LDLRAD4: variants seen among roughly 807,000 people sequenced by gnomAD.
LDLRAD4 encodes the protein low density lipoprotein receptor class A domain containing 4, also known as low-density lipoprotein receptor class A domain-containing protein 4.
A neutral mutation model predicts 17.0 loss-of-function variants in LDLRAD4; 5 were observed. The observed-to-expected ratio is 0.29, with a 90% CI of 0.15 to 0.62. LDLRAD4 has a LOEUF of 0.62. LDLRAD4 is among the 20% of genes least tolerant of loss of function. LDLRAD4 has a pLI of 0.84. For missense variants in LDLRAD4, 340 were observed against 424.7 expected, an observed-to-expected ratio of 0.80 and a Z score of 1.75; for synonymous variants, 168 against 171.8, an observed-to-expected ratio of 0.98 and a Z score of 0.17.
intron 2 of LDLRAD4, among the ~76,000 whole-genome samples, chr18:13,429,255 T>C (rs1052090760): frequency 8.5e-5 from 13 of 152,164 alleles, no homozygotes; most frequent in Non-Finnish European, 1.5e-4. Context: ...GTTGGTGCAG[T>C]GATGGGCCCC....
In LDLRAD4 at chr18:13,645,726, C is replaced by T. The variant is rs985460174; in HGVS notation, c.*69C>T. On this transcript the variant is annotated 3_prime_UTR_variant, in exon 6 of 6. Transcript: ENST00000359446. This position sits in a 1 kb window ranked among gnomAD's most constrained non-coding sequence, Gnocchi z 5.7. ...GGAAGCGGCCGCTGGGCCCCTCCTG[C>T]GCACAGTGTTGTTCAGTTTCACATG... 48 of 1,263,024 alleles carry T rather than the reference C, an allele frequency of 3.8e-5. No individual in the cohort carries two copies. In the Admixed American group the frequency reaches 6.4e-4, roughly 17 times the overall value. 78.2% of individuals were successfully genotyped at this position (1,263,024 alleles called of 1,614,324 possible). A position where few individuals can be genotyped will look rare whatever the true frequency, so the allele number is the denominator to read the frequency against.
At chr18:13,588,916 T>C (rs892119114) in intron 3 of LDLRAD4, among the ~76,000 whole-genome samples, 4 of 149,712 alleles carry the variant, frequency 2.7e-5, no homozygotes, top group African/African-American at 9.8e-5. Context: ...TTCCTTTTCT[T>C]TTTTTTTTCT....
chr18:13,422,637 G>T (rs2089592744), intron 2 of LDLRAD4, among the ~76,000 whole-genome samples: 1 of 152,098 alleles, frequency 6.6e-6, no homozygotes, highest in Admixed American at 6.5e-5. Context: ...GTTGGAGGCT[G>T]CAGTGAGCCA....
intron 3 of LDLRAD4, among the ~76,000 whole-genome samples, chr18:13,506,109 C>T (rs893756330): frequency 1.3e-5 from 2 of 152,160 alleles, no homozygotes; most frequent in African/African-American, 2.4e-5. Context: ...TCCTCCAGGC[C>T]GTCTTTGTCC....
intron 3 of LDLRAD4, among the ~76,000 whole-genome samples, chr18:13,585,833 A>G (rs1601557041): frequency 6.6e-6 from 1 of 152,206 alleles, no homozygotes; most frequent in Non-Finnish European, 1.5e-5. Context: ...AAGAATATAT[A>G]TATTTCAATA....
At chr18:13,609,027 A>G (rs1171116748) in intron 3 of LDLRAD4, among the ~76,000 whole-genome samples, 4 of 66,828 alleles carry the variant, frequency 6.0e-5, no homozygotes, top group Admixed American at 3.7e-4. Context: ...TGGTGACTGC[A>G]CAAAACTCAT....
At chr18:13,586,286 T>G (rs1377369467) in intron 3 of LDLRAD4, among the ~76,000 whole-genome samples, 2 of 150,836 alleles carry the variant, frequency 1.3e-5, no homozygotes, top group African/African-American at 4.9e-5. Context: ...CAGGCGTCTG[T>G]AATCCCAGCT....
At chr18:13,507,698 A>T (rs2093716539) in intron 3 of LDLRAD4, among the ~76,000 whole-genome samples, 1 of 152,196 alleles carries the variant, frequency 6.6e-6, no homozygotes, top group African/African-American at 2.4e-5. Flanking sequence ...CCATACCCAT[A>T]TAAGACAGTG....
rs1249188372 is a variant in LDLRAD4 at position 13,612,555 on chromosome 18, CCT to C, written c.182-8560_182-8559del. The C allele has an allele frequency of 1.0e-4, 149 of 1,447,914 alleles. No homozygotes were observed. The Middle Eastern group carries it at 2.6e-3, about 26-fold the overall frequency. 89.7% of individuals were successfully genotyped at this position (1,447,914 alleles called of 1,614,324 possible). ...GGCAGACAGAAACACACCCCCCCCC[CCT>C]CCACGCTCACACACTCTCCCACACC... On this transcript the variant is annotated intron_variant, in intron 3 of 5. Transcript: ENST00000359446.
At chr18:13,402,917 A>G (rs2087359726) in intron 2 of LDLRAD4, among the ~76,000 whole-genome samples, 1 of 152,238 alleles carries the variant, frequency 6.6e-6, no homozygotes, top group Non-Finnish European at 1.5e-5. Flanking sequence ...TGGCCTTCAC[A>G]ATCAAAACTT....
intron 1 of LDLRAD4, chr18:13,241,027 T>C (rs1198091265): frequency 6.6e-6 from 1 of 152,100 alleles, no homozygotes; most frequent in Non-Finnish European, 1.5e-5. Flanking sequence ...CCTCCCGGGT[T>C]CAAGCGATTC....
At chr18:13,223,774 C>A (rs546769469) in intron 1 of LDLRAD4, among the ~76,000 whole-genome samples, 1 of 152,210 alleles carries the variant, frequency 6.6e-6, no homozygotes, top group Non-Finnish European at 1.5e-5. Context: ...ATTCACTAAT[C>A]TAATCCTCAC....
chr18:13,234,489 C>T (rs1006565121), intron 1 of LDLRAD4, among the ~76,000 whole-genome samples: 1 of 149,786 alleles, frequency 6.7e-6, no homozygotes, highest in Admixed American at 6.7e-5. Flanking sequence ...GGACTGTGAG[C>T]AGGCACCTGT....
intron 2 of LDLRAD4, among the ~76,000 whole-genome samples, chr18:13,418,359 G>T (rs1440519711): frequency 6.6e-6 from 1 of 152,218 alleles, no homozygotes; most frequent in Non-Finnish European, 1.5e-5. Context: ...CCTTTGATCT[G>T]CCTCGCCCCT....
chr18:13,256,854 G>A (rs1046439774), intron 1 of LDLRAD4, among the ~76,000 whole-genome samples: 4 of 152,244 alleles, frequency 2.6e-5, no homozygotes, highest in African/African-American at 7.2e-5. Context: ...TGTGTGTGCC[G>A]GGGAAGGAAA....
intron 1 of LDLRAD4, among the ~76,000 whole-genome samples, chr18:13,318,528 C>G (rs1268823995): frequency 6.6e-6 from 1 of 152,212 alleles, no homozygotes; most frequent in Non-Finnish European, 1.5e-5. Context: ...TCCCAAAATG[C>G]TGGGATTCAT....
At chr18:13,442,105 G>C (rs1279204831) in intron 3 of LDLRAD4, among the ~76,000 whole-genome samples, 1 of 152,090 alleles carries the variant, frequency 6.6e-6, no homozygotes, top group Non-Finnish European at 1.5e-5. Context: ...ACAATTATTT[G>C]TTATTTACAC....
At chr18:13,370,713 G>GTTTTTTTTTTTGTTT (rs1555663207) in intron 1 of LDLRAD4, among the ~76,000 whole-genome samples, 1 of 17,192 alleles carries the variant, frequency 5.8e-5, no homozygotes, top group Non-Finnish European at 1.6e-4. Flanking sequence ...TTTTTGTTTT[G>GTTTTTTTTTTTGTTT]TTTTTTTTTT....
At chr18:13,634,291 A>G (rs1306628226) in intron 4 of LDLRAD4, among the ~76,000 whole-genome samples, 1 of 152,262 alleles carries the variant, frequency 6.6e-6, no homozygotes, top group African/African-American at 2.4e-5. Flanking sequence ...AGAAGATGAC[A>G]TGACCTTATG....
Sources: allele counts gnomAD v4.1 joint callset (sites outside exome capture counted in the v4.1 genomes callset), GRCh38; gene constraint gnomAD v4.1.1; non-coding constraint Gnocchi (gnomAD v3.1); transcripts MANE v1.5; gene names NCBI Gene and HGNC (gene_info 2026-07-23, HGNC 2026-07-21).